The following THSD4 variants were observed in gnomAD, a reference collection of about 807,000 sequenced individuals.
THSD4 encodes the protein thrombospondin type 1 domain containing 4, also known as thrombospondin type-1 domain-containing protein 4.
In THSD4, 69 loss-of-function variants were observed where a neutral mutation model predicts 119.0. The observed-to-expected ratio is 0.58, with a 90% CI of 0.48 to 0.71. The LOEUF (loss-of-function observed/expected upper bound fraction) is 0.71, where lower values mean the gene tolerates loss of function less well. Among genes scored for constraint, THSD4 ranks in the 30% least tolerant of loss-of-function variants. The pLI is 0.00. For missense variants in THSD4, 1,393 were observed against 1,391.1 expected (o/e 1.00, Z -0.02); for synonymous variants, 524 against 540.4 (o/e 0.97, Z 0.42).
At chr15:71,634,060 G>A (rs1026650722) in intron 7 of THSD4, among the ~76,000 whole-genome samples, 4 of 152,008 alleles carry the variant, frequency 2.6e-5, no homozygotes, top group Admixed American at 6.6e-5. Context: ...GGCAGTGGAC[G>A]CCTGTGATTC....
At chr15:71,133,334 G>T (rs1047145932) in intron 1 of THSD4, among the ~76,000 whole-genome samples, 6 of 152,170 alleles carry the variant, frequency 3.9e-5, no homozygotes, top group South Asian at 2.1e-4. Context: ...CTGCGCAGTG[G>T]TGCCTCAGAC....
chr15:71,154,830 A>G (rs1375513728), intron 2 of THSD4, 33 bp from the exon 3 acceptor site: 2 of 1,610,538 alleles, frequency 1.2e-6, no homozygotes, highest in Non-Finnish European at 1.7e-6. Context: ...GAACATACTC[A>G]CCATCCTGCC....
chr15:71,250,116 A>G (rs1215955633), intron 5 of THSD4, among the ~76,000 whole-genome samples: 3 of 152,306 alleles, frequency 2.0e-5, no homozygotes, highest in South Asian at 2.1e-4. Flanking sequence ...GTGTTGGGCT[A>G]TAAGTCCCTG....
chr15:71,554,286 T>C (rs2048983141), intron 7 of THSD4, among the ~76,000 whole-genome samples: 2 of 150,758 alleles, frequency 1.3e-5, no homozygotes, highest in South Asian at 2.1e-4. Context: ...TTAGTAGAGA[T>C]GGGTTTCACC....
chr15:71,671,245 C>T (rs1330820169), intron 8 of THSD4, among the ~76,000 whole-genome samples: 3 of 152,200 alleles, frequency 2.0e-5, no homozygotes, highest in Non-Finnish European at 4.4e-5. Context: ...TGATGGTGAG[C>T]ATTTTTTCAT....
At chr15:71,153,950 G>A (rs1325703383) in intron 2 of THSD4, among the ~76,000 whole-genome samples, 1 of 152,108 alleles carries the variant, frequency 6.6e-6, no homozygotes, top group African/African-American at 2.4e-5. Flanking sequence ...CACATTCAGC[G>A]GGACTTGGGG....
intron 7 of THSD4, among the ~76,000 whole-genome samples, chr15:71,616,507 TGAA>T (rs2050321105): frequency 6.6e-6 from 1 of 152,190 alleles, no homozygotes; most frequent in Non-Finnish European, 1.5e-5. Context: ...TGATTTAACC[TGAA>T]GAAGAACAGG....
At chr15:71,153,828 T>C (rs1282866162) in intron 2 of THSD4, among the ~76,000 whole-genome samples, 1 of 152,216 alleles carries the variant, frequency 6.6e-6, no homozygotes, top group Non-Finnish European at 1.5e-5. Context: ...AGTGGCCTTA[T>C]TGCAGGGATG....
intron 3 of THSD4, chr15:71,172,287 T>C (rs555231087): frequency 6.6e-6 from 1 of 152,162 alleles, no homozygotes; most frequent in South Asian, 2.1e-4. Context: ...ATCATGCCAC[T>C]GCACTCCAGC....
intron 7 of THSD4, among the ~76,000 whole-genome samples, chr15:71,625,878 C>G (rs1012765422): frequency 1.1e-4 from 16 of 152,168 alleles, no homozygotes; most frequent in Admixed American, 1.0e-3. Flanking sequence ...CACAGACTGG[C>G]AGTCCATAAT....
intron 15 of THSD4, among the ~76,000 whole-genome samples, chr15:71,760,992 A>G (rs1567140211): frequency 1.3e-5 from 2 of 152,098 alleles, no homozygotes; most frequent in African/African-American, 2.4e-5. Flanking sequence ...TTTCAGGACT[A>G]TTTTTGTCTT....
Position 71,692,272 on chromosome 15 carries a change from A to G in THSD4, c.1357+31538A>G, listed in dbSNP as rs111623955. ...TATTATTCTAAACTGAACTGCTGCT[A>G]TGGGTTTCAAGAATTACATAGCTTA... On this transcript the variant is annotated intron_variant, in intron 8 of 17. Coordinates refer to ENST00000261862, the MANE Select transcript of THSD4 (RefSeq NM_024817.3). 6.2e-3 allele frequency among the ~76,000 whole-genome samples: 944 copies of G among 152,328 alleles called. 8 individuals carry two copies. Among genetic ancestry groups the G allele is most frequent in the Middle Eastern group, 0.014 (4 of 294 alleles).
At chr15:71,323,096 TAAAAAAA>T (rs34395762) in intron 6 of THSD4, among the ~76,000 whole-genome samples, 2 of 98,544 alleles carry the variant, frequency 2.0e-5, no homozygotes, top group African/African-American at 8.4e-5. Flanking sequence ...GACCCTGTCT[TAAAAAAA>T]AAAAAAAAAA....
At chr15:71,374,455 A>G (rs997556956) in intron 6 of THSD4, among the ~76,000 whole-genome samples, 2 of 152,196 alleles carry the variant, frequency 1.3e-5, no homozygotes, top group Non-Finnish European at 2.9e-5. Context: ...CTATATATGA[A>G]TAATTGGATG....
intron 7 of THSD4, among the ~76,000 whole-genome samples, chr15:71,473,623 G>A (rs950236707): frequency 2.0e-5 from 3 of 152,198 alleles, no homozygotes; most frequent in Admixed American, 2.0e-4. Context: ...ATCCTATACA[G>A]AGAAAAGAGT....
intron 7 of THSD4, among the ~76,000 whole-genome samples, chr15:71,488,501 T>G (rs1567004550): frequency 1.7e-5 from 2 of 115,472 alleles, no homozygotes; most frequent in African/African-American, 6.3e-5. Flanking sequence ...TTTCCTGTTC[T>G]GTAAAGTTTG....
At chr15:71,594,721 A>C (rs2049875063) in intron 7 of THSD4, among the ~76,000 whole-genome samples, 1 of 152,116 alleles carries the variant, frequency 6.6e-6, no homozygotes, top group African/African-American at 2.4e-5. Context: ...GCATTAACCC[A>C]TTTCCTACCC....
At chr15:71,388,348 G>C (rs1201140263) in intron 6 of THSD4, among the ~76,000 whole-genome samples, 1 of 152,144 alleles carries the variant, frequency 6.6e-6, no homozygotes, top group Non-Finnish European at 1.5e-5. Flanking sequence ...TGAAGTGATG[G>C]AAATTTATCC....
intron 6 of THSD4, among the ~76,000 whole-genome samples, chr15:71,379,348 T>C (rs1876566154): frequency 6.6e-6 from 1 of 151,934 alleles, no homozygotes; most frequent in East Asian, 1.9e-4. Context: ...CATATCTAAC[T>C]TGTCCTTCGC....
Sources: gnomAD v4.1 joint callset for allele counts (sites outside exome capture counted in the v4.1 genomes callset) on GRCh38, gnomAD v4.1.1 for gene constraint, MANE v1.5 for transcripts, NCBI Gene and HGNC (gene_info 2026-07-23, HGNC 2026-07-21) for gene names.